The following KDM1B variants were observed in gnomAD, a reference collection of about 807,000 sequenced individuals.
KDM1B encodes the protein lysine demethylase 1B.
In KDM1B, 63 loss-of-function variants were observed where a neutral mutation model predicts 107.4. The observed-to-expected ratio is 0.59, with a 90% confidence interval of 0.48 to 0.72. The LOEUF is 0.72. Ranked by LOEUF, KDM1B falls within the 30% of genes least tolerant of loss-of-function variation. The pLI, the probability that KDM1B is intolerant of heterozygous loss-of-function variation, is 0.00. For synonymous variants in KDM1B, 363 were observed against 363.9 expected (o/e 1.00, Z 0.03); for missense variants, 749 against 1,020.8 (o/e 0.73, Z 3.63).
chr6:18,163,299 A>T (rs1400258420), intron 5 of KDM1B, among the ~76,000 whole-genome samples: 1 of 152,168 alleles, frequency 6.6e-6, no homozygotes, highest in Non-Finnish European at 1.5e-5. Flanking sequence ...GGCTCAAAAG[A>T]TCTGCCTGCC....
chr6:18,192,322 G>T (rs17420046), intron 10 of KDM1B, among the ~76,000 whole-genome samples: 13,321 of 152,190 alleles, frequency 0.088, 780 homozygotes, highest in Non-Finnish European at 0.12. Flanking sequence ...AATTTAATCA[G>T]CAGTTTGCGT....
intron 12 of KDM1B, among the ~76,000 whole-genome samples, chr6:18,198,637 C>CAAAAAA (rs762849198): frequency 2.0e-4 from 14 of 69,092 alleles, no homozygotes; most frequent in Admixed American, 5.7e-4. Flanking sequence ...GACTCCATCT[C>CAAAAAA]AAAAAAAAAA....
chr6:18,163,700 T>C (rs1010040415), intron 5 of KDM1B, among the ~76,000 whole-genome samples: 8 of 152,224 alleles, frequency 5.3e-5, no homozygotes, highest in Non-Finnish European at 1.0e-4. Flanking sequence ...AGAAGTAAAT[T>C]GTTTAATTTA....
intron 2 of KDM1B, among the ~76,000 whole-genome samples, chr6:18,157,808 C>CTTTTTTTTTTTTTTTTTTTTTTTTTTT (rs67631382): frequency 8.6e-6 from 1 of 115,628 alleles, no homozygotes. Flanking sequence ...GTAGATAGTC[C>CTTTTTTTTTTTTTTTTTTTTTTTTTTT]TTTTTTTTTT....
chr6:18,215,076 A>G lies in KDM1B; in HGVS notation c.2179A>G (p.Lys727Glu), dbSNP rs780445274. 1 of 1,613,788 alleles carries G rather than the reference A, an allele frequency of 6.2e-7. No individual in the cohort carries two copies. The highest frequency in any genetic ancestry group is 1.3e-5 in the African/African-American group (1 of 74,926). ...AVASVRTLDD[K>E]QVLQQCMATL... ...CGCATCCGTGAGGACCCTGGATGAC[A>G]AACAGGTGCTGCAGCAGTGCATGGC... The change falls in exon 20 of 22, where the codon AAA (lysine) becomes GAA (glutamate). Residue 727 changes from lysine (K) to glutamate (E), a missense_variant. Lys to Glu is a moderately conservative substitution (Grantham distance 56). Coordinates refer to ENST00000650836, the MANE Select transcript of KDM1B (RefSeq NM_001364614.2).
chr6:18,178,199 C>A lies in KDM1B; in HGVS notation c.534+6720C>A, dbSNP rs557670762. 6.0e-4 allele frequency among the ~76,000 whole-genome samples: 92 copies of A among 152,230 alleles called. 1 individual carries two copies. In the South Asian group the frequency reaches 0.01, roughly 17 times the overall value. On this transcript the variant is annotated intron_variant, in intron 7 of 21. Transcript: ENST00000650836. Reference sequence around the variant, plus strand: ...CTGGGTTCAAGCAATTCTCCTGCCTCAGCCTCCTGAGTAGCTGGGATTACA... The same window carrying A: ...CTGGGTTCAAGCAATTCTCCTGCCTAAGCCTCCTGAGTAGCTGGGATTACA...
At position 18,213,548 on chromosome 6, in the gene KDM1B, T is replaced by G; in HGVS notation, c.1984-108T>G. On this transcript the variant is annotated intron_variant, in intron 18 of 21. Coordinates refer to ENST00000650836, the MANE Select transcript of KDM1B (RefSeq NM_001364614.2). This position sits in a 1 kb window ranked among gnomAD's most constrained non-coding sequence, Gnocchi z 5.9. Reference sequence around the variant, plus strand: ...AAGAGCGGTATTTGGGGTTGTTCTTTCGGGCAGTGTCTTTGTTTTAGAGTA... The same window carrying G: ...AAGAGCGGTATTTGGGGTTGTTCTTGCGGGCAGTGTCTTTGTTTTAGAGTA... 2 of 1,108,146 alleles carry G rather than the reference T, an allele frequency of 1.8e-6. No individual in the cohort carries two copies. Among genetic ancestry groups the G allele is most frequent in the East Asian group, 4.8e-5 (2 of 41,792 alleles). The allele number at this position is 1,108,146 out of a possible 1,614,324, so 68.6% of individuals were successfully genotyped here. A position where few individuals can be genotyped will look rare whatever the true frequency, so the allele number is the denominator to read the frequency against.
chr6:18,158,268 T>C (rs2150747367), intron 2 of KDM1B, among the ~76,000 whole-genome samples: 1 of 145,700 alleles, frequency 6.9e-6, no homozygotes, highest in Non-Finnish European at 1.5e-5. Context: ...TTATTGTTTC[T>C]GAGAAAGTGA....
At position 18,201,694 on chromosome 6, in the gene KDM1B, G is replaced by C; in HGVS notation, c.1531+37G>C. 1 of 1,497,698 alleles carries C rather than the reference G, an allele frequency of 6.7e-7. No homozygotes were observed. Among genetic ancestry groups the C allele is most frequent in the Non-Finnish European group, 9.0e-7 (1 of 1,116,672 alleles). The allele number at this position is 1,497,698 out of a possible 1,614,324, so 92.8% of individuals were successfully genotyped here. On this transcript the variant is annotated intron_variant, in intron 14 of 21. Transcript: ENST00000650836. The surrounding 1 kb of genome is among the most constrained non-coding windows in gnomAD (Gnocchi z 4.3). ...ACGGTGTTCTGATTGTTCCATCTCA[G>C]TTTCGTTGTTACCTAAGCTTCATCA...
chr6:18,174,425 T>A (rs1048685034), intron 7 of KDM1B, among the ~76,000 whole-genome samples: 4 of 152,192 alleles, frequency 2.6e-5, no homozygotes, highest in Non-Finnish European at 5.9e-5. Context: ...TGGTAAATGA[T>A]GGCTCATGGG....
Position 18,186,331 on chromosome 6 carries a change from C to T in KDM1B, c.573+521C>T, listed in dbSNP as rs1582138604. ...TTTCCTCTGTTTTCATAAGACTTTGCTACCTGAGTTGACAAACTTCAGTGT... is the reference window on the plus strand; with the variant it reads ...TTTCCTCTGTTTTCATAAGACTTTGTTACCTGAGTTGACAAACTTCAGTGT... On this transcript the variant is annotated intron_variant, in intron 8 of 21. Coordinates refer to ENST00000650836, the MANE Select transcript of KDM1B (RefSeq NM_001364614.2). The surrounding 1 kb of genome is among the most constrained non-coding windows in gnomAD (Gnocchi z 5.6). Among the ~76,000 whole-genome samples, 1 of 152,178 alleles carries T rather than the reference C, an allele frequency of 6.6e-6. No individual in the cohort carries two copies. The highest frequency in any genetic ancestry group is 1.5e-5 in the Non-Finnish European group (1 of 68,034).
rs1789913664 is a variant in KDM1B at position 18,223,289 on chromosome 6, C to G, written c.*1297C>G. The G allele has an allele frequency of 6.6e-6, 1 of 152,206 alleles. No homozygotes were observed. The highest frequency in any genetic ancestry group is 1.9e-4 in the East Asian group (1 of 5,190). 9.4% of individuals were successfully genotyped at this position (152,206 alleles called of 1,614,324 possible). On this transcript the variant is annotated 3_prime_UTR_variant, in exon 22 of 22. Transcript: ENST00000650836. Reference sequence around the variant, plus strand: ...TTATAACGAGTAAATACCTAACACACCAAGAATGTGCAGTGAACCTCAGGC... The same window carrying G: ...TTATAACGAGTAAATACCTAACACAGCAAGAATGTGCAGTGAACCTCAGGC...
chr6:18,182,083 A>G (rs919982643), intron 7 of KDM1B, among the ~76,000 whole-genome samples: 4 of 152,194 alleles, frequency 2.6e-5, no homozygotes, highest in African/African-American at 9.6e-5. Context: ...GTATTTTAAC[A>G]TCAAGCATTT....
At chr6:18,190,316 G>A (rs1237541452) in intron 9 of KDM1B, among the ~76,000 whole-genome samples, 1 of 151,976 alleles carries the variant, frequency 6.6e-6, no homozygotes, top group East Asian at 1.9e-4. Flanking sequence ...AAGAAGGCCG[G>A]GCGCAGTGGC....
At chr6:18,169,074 G>T (rs1785494228) in intron 6 of KDM1B, among the ~76,000 whole-genome samples, 1 of 151,946 alleles carries the variant, frequency 6.6e-6, no homozygotes, top group Non-Finnish European at 1.5e-5. Context: ...GTTTCATCAT[G>T]TTGGCCAGGC....
rs1784815660 is a variant in KDM1B, at chr6:18,159,178, G to C, written c.-13-705G>C. Among the ~76,000 whole-genome samples, 1 of 152,160 alleles carries C rather than the reference G, an allele frequency of 6.6e-6. No individual in the cohort carries two copies. On this transcript the variant is annotated intron_variant, in intron 2 of 21. Coordinates refer to ENST00000650836, the MANE Select transcript of KDM1B (RefSeq NM_001364614.2). This position sits in a 1 kb window ranked among gnomAD's most constrained non-coding sequence, Gnocchi z 4.5. ...AGACGGGGTTTCACAATGTTGGTCA[G>C]ACTGGTCTCGAACTCCTGACCTCAT...
chr6:18,207,339 T>C, intron 15 of KDM1B, 59 bp from the exon 16 acceptor site: 1 of 1,591,462 alleles, frequency 6.3e-7, no homozygotes, highest in South Asian at 1.1e-5. Flanking sequence ...TCATATTGGC[T>C]CTCAGGCACA....
intron 14 of KDM1B, among the ~76,000 whole-genome samples, chr6:18,202,021 T>C (rs2150979965): frequency 6.6e-6 from 1 of 152,282 alleles, no homozygotes; most frequent in Non-Finnish European, 1.5e-5. Flanking sequence ...AGGTAAGGGT[T>C]TGTGTGTGCC....
At chr6:18,216,456 G>GT (rs1789243372) in intron 20 of KDM1B, among the ~76,000 whole-genome samples, 1 of 152,096 alleles carries the variant, frequency 6.6e-6, no homozygotes, top group African/African-American at 2.4e-5. Flanking sequence ...TCAGAAGTTT[G>GT]TTTTTTACAT....
Sources: allele counts gnomAD v4.1 joint callset (sites outside exome capture counted in the v4.1 genomes callset), GRCh38; gene constraint gnomAD v4.1.1; non-coding constraint Gnocchi (gnomAD v3.1); transcripts MANE v1.5; gene names NCBI Gene and HGNC (gene_info 2026-07-23, HGNC 2026-07-21).